Variants in DLGAP1 observed in about 807,000 individuals in gnomAD.
The protein encoded by DLGAP1 is disks large-associated protein 1.
DLGAP1 carries 11 observed loss-of-function variants against 90.8 expected under a neutral mutation model. That is an observed-to-expected ratio of 0.12 (90% CI 0.08 to 0.20). DLGAP1 has a LOEUF of 0.20. Among genes scored for constraint, DLGAP1 ranks in the 10% least tolerant of loss-of-function variants. The pLI is 1.00. For synonymous variants in DLGAP1, 558 were observed against 540.7 expected, an observed-to-expected ratio of 1.03 and a Z score of -0.44; for missense variants, 1,050 against 1,333.8, an observed-to-expected ratio of 0.79 and a Z score of 3.31.
intron 7 of DLGAP1, among the ~76,000 whole-genome samples, chr18:3,671,291 CT>C (rs2060081300): frequency 1.3e-5 from 2 of 152,054 alleles, no homozygotes; most frequent in African/African-American, 4.8e-5. Flanking sequence ...CATAACACCC[CT>C]ATCTCTCTCT....
In DLGAP1 at chr18:3,497,301, T is replaced by C. The variant is rs766676300; in HGVS notation, c.*1884A>G. 19 of 131,272 alleles carry C rather than the reference T, an allele frequency of 1.4e-4. No homozygotes were observed. Among genetic ancestry groups the C allele is most frequent in the Non-Finnish European group, 2.9e-4 (17 of 58,828 alleles). The allele number at this position is 131,272 out of a possible 1,614,324, so 8.1% of individuals were successfully genotyped here. A position where few individuals can be genotyped will look rare whatever the true frequency, so the allele number is the denominator to read the frequency against. ...AGCTCAAAATCTCTGTATGCTCCAATTTCACAAAGCACTTTGAGTGCTTTG... is the reference window on the plus strand; with the variant it reads ...AGCTCAAAATCTCTGTATGCTCCAACTTCACAAAGCACTTTGAGTGCTTTG... On this transcript the variant is annotated 3_prime_UTR_variant, in exon 13 of 13. Coordinates refer to ENST00000315677, the MANE Select transcript of DLGAP1 (RefSeq NM_004746.4).
At chr18:4,434,439 T>C (rs1227566226) in intron 1 of DLGAP1, among the ~76,000 whole-genome samples, 1 of 152,178 alleles carries the variant, frequency 6.6e-6, no homozygotes, top group East Asian at 1.9e-4. Context: ...TAAACCCTGG[T>C]TCTCCTTGAA....
At chr18:4,174,284 A>G (rs1402724174) in intron 1 of DLGAP1, among the ~76,000 whole-genome samples, 4 of 152,064 alleles carry the variant, frequency 2.6e-5, no homozygotes, top group East Asian at 1.9e-4. Flanking sequence ...ACCTGCCCTG[A>G]GCTGCCTGTG....
chr18:4,038,949 A>G (rs1212803296), intron 2 of DLGAP1, among the ~76,000 whole-genome samples: 2 of 152,050 alleles, frequency 1.3e-5, no homozygotes, highest in Non-Finnish European at 2.9e-5. Context: ...CTAAGTCAAA[A>G]TCAAGGCGCC....
intron 1 of DLGAP1, among the ~76,000 whole-genome samples, chr18:4,381,037 CATT>C (rs1319654640): frequency 6.6e-6 from 1 of 152,196 alleles, no homozygotes; most frequent in African/African-American, 2.4e-5. Flanking sequence ...AACCAACCAT[CATT>C]AATTTCCAAC....
chr18:4,422,270 A>G (rs1248018019), intron 1 of DLGAP1, among the ~76,000 whole-genome samples: 1 of 151,956 alleles, frequency 6.6e-6, no homozygotes, highest in East Asian at 1.9e-4. Context: ...TAGCCATTAA[A>G]TTTGGTAATA....
chr18:3,613,398 C>T (rs2057719708), intron 7 of DLGAP1, among the ~76,000 whole-genome samples: 1 of 152,088 alleles, frequency 6.6e-6, no homozygotes, highest in Non-Finnish European at 1.5e-5. Flanking sequence ...GTGGCACAAT[C>T]ATGGCTCACG....
chr18:3,664,237 C>G (rs899955827), intron 7 of DLGAP1, among the ~76,000 whole-genome samples: 1 of 150,092 alleles, frequency 6.7e-6, no homozygotes, highest in Non-Finnish European at 1.5e-5. Flanking sequence ...CACACACACA[C>G]GGATATACTA....
At chr18:4,050,869 T>C (rs1250963506) in intron 2 of DLGAP1, among the ~76,000 whole-genome samples, 1 of 152,206 alleles carries the variant, frequency 6.6e-6, no homozygotes, top group Non-Finnish European at 1.5e-5. Context: ...CAGGAAACAT[T>C]TTCCAAAGAA....
intron 10 of DLGAP1, among the ~76,000 whole-genome samples, chr18:3,521,975 C>T (rs1011592629): frequency 6.6e-6 from 1 of 152,022 alleles, no homozygotes; most frequent in Non-Finnish European, 1.5e-5. Flanking sequence ...GGGTATTATT[C>T]CTCTTGCATT....
At chr18:3,507,025 T>G (rs917500211) in intron 11 of DLGAP1, among the ~76,000 whole-genome samples, 55 of 151,952 alleles carry the variant, frequency 3.6e-4, no homozygotes, top group African/African-American at 1.3e-3. Flanking sequence ...CGTGTGTGTA[T>G]GGGGCAGGGG....
At chr18:4,442,116 C>G (rs1391290291) in intron 1 of DLGAP1, among the ~76,000 whole-genome samples, 2 of 152,146 alleles carry the variant, frequency 1.3e-5, no homozygotes, top group Admixed American at 1.3e-4. Flanking sequence ...CTCAGTCTCC[C>G]AAGTAGCTGG....
At chr18:4,141,639 T>C (rs1485057072) in intron 2 of DLGAP1, among the ~76,000 whole-genome samples, 1 of 152,038 alleles carries the variant, frequency 6.6e-6, no homozygotes, top group Non-Finnish European at 1.5e-5. Flanking sequence ...TTTAGGTGTT[T>C]AAACATCACC....
At chr18:4,310,161 T>A (rs1025368697) in intron 1 of DLGAP1, among the ~76,000 whole-genome samples, 1 of 152,140 alleles carries the variant, frequency 6.6e-6, no homozygotes. Context: ...TATACCAGGA[T>A]TTGGTTGGGT....
chr18:4,196,444 T>C (rs1162383984), intron 1 of DLGAP1, among the ~76,000 whole-genome samples: 1 of 152,258 alleles, frequency 6.6e-6, no homozygotes, highest in African/African-American at 2.4e-5. Flanking sequence ...AGTATTCATG[T>C]ATTATTCATT....
intron 7 of DLGAP1, among the ~76,000 whole-genome samples, chr18:3,664,117 G>C (rs1263087393): frequency 1.3e-5 from 2 of 150,780 alleles, no homozygotes; most frequent in Admixed American, 1.3e-4. Context: ...GGCTCTCCTG[G>C]GTTTCAAGCT....
At chr18:3,605,696 T>C (rs988321949) in intron 7 of DLGAP1, among the ~76,000 whole-genome samples, 1 of 152,232 alleles carries the variant, frequency 6.6e-6, no homozygotes, top group Non-Finnish European at 1.5e-5. Flanking sequence ...GTCAGATCTG[T>C]AAACAGGAAG....
At chr18:4,432,856 A>G (rs2083319327) in intron 1 of DLGAP1, among the ~76,000 whole-genome samples, 1 of 152,148 alleles carries the variant, frequency 6.6e-6, no homozygotes, top group Non-Finnish European at 1.5e-5. Flanking sequence ...AGTCCAGTCT[A>G]CTTGAATTCA....
intron 6 of DLGAP1, among the ~76,000 whole-genome samples, chr18:3,731,139 T>C (rs1335039482): frequency 6.6e-6 from 1 of 152,148 alleles, no homozygotes; most frequent in African/African-American, 2.4e-5. Context: ...TATATGTGTG[T>C]ATGTCTATAT....
Sources: allele counts gnomAD v4.1 joint callset (sites outside exome capture counted in the v4.1 genomes callset), GRCh38; gene constraint gnomAD v4.1.1; transcripts MANE v1.5; gene names NCBI Gene and HGNC (gene_info 2026-07-23, HGNC 2026-07-21).